Variants in WIPI2 observed in about 807,000 individuals in gnomAD.
WIPI2 encodes the protein WD repeat domain phosphoinositide-interacting protein 2.
Under a neutral mutation model 52.3 loss-of-function variants are expected in WIPI2, and 28 were observed. The ratio of observed to expected loss-of-function variants is 0.54; its 90% CI spans 0.40 to 0.73. The LOEUF (loss-of-function observed/expected upper bound fraction) is 0.73, where lower values mean the gene tolerates loss of function less well. Among genes scored for constraint, WIPI2 ranks in the 30% least tolerant of loss-of-function variants. The pLI is 0.00. For missense variants in WIPI2, 506 were observed against 602.9 expected (o/e 0.84, Z 1.68); for synonymous variants, 268 against 245.0 (o/e 1.09, Z -0.88).
chr7:5,201,012 C>T (rs1338191026), intron 3 of WIPI2, among the ~76,000 whole-genome samples: 7 of 152,218 alleles, frequency 4.6e-5, no homozygotes, highest in Admixed American at 4.6e-4. Flanking sequence ...CTTTCTTCTG[C>T]CACGGAGGCT....
chr7:5,213,991 G>A (rs1782688727), intron 3 of WIPI2, among the ~76,000 whole-genome samples: 2 of 152,192 alleles, frequency 1.3e-5, no homozygotes, highest in Non-Finnish European at 2.9e-5. Context: ...GGCCCCTTCA[G>A]GGCATTTCTT....
intron 3 of WIPI2, among the ~76,000 whole-genome samples, chr7:5,204,742 G>T (rs1782209464): frequency 6.6e-6 from 1 of 151,958 alleles, no homozygotes; most frequent in South Asian, 2.1e-4. Flanking sequence ...CTCATGCAGT[G>T]GTGCCAGCAC....
Position 5,230,792 on chromosome 7 carries a change from G to C in WIPI2, c.1253-43G>C. ...CAGTGTGTGTCATGGGGTCTGTGGT[G>C]TGTCCCCAGCCTTTGAAGGGTGACT... On this transcript the variant is annotated intron_variant, in intron 12 of 12. Coordinates refer to ENST00000288828, the MANE Select transcript of WIPI2 (RefSeq NM_015610.4). The surrounding 1 kb of genome is among the most constrained non-coding windows in gnomAD (Gnocchi z 4.8). 6.6e-7 allele frequency: 1 copy of C among 1,518,320 alleles called. No homozygotes were observed. The highest frequency in any genetic ancestry group is 9.1e-7 in the Non-Finnish European group (1 of 1,102,536). The allele number at this position is 1,518,320 out of a possible 1,614,324, so 94.1% of individuals were successfully genotyped here. A position where few individuals can be genotyped will look rare whatever the true frequency, so the allele number is the denominator to read the frequency against.
intron 2 of WIPI2, among the ~76,000 whole-genome samples, chr7:5,197,118 CAAAAA>C (rs869261081): frequency 1.7e-4 from 7 of 41,452 alleles, no homozygotes; most frequent in Admixed American, 7.2e-4. Context: ...TCTCAAAAAA[CAAAAA>C]AAAAAAAAAA....
chr7:5,191,499 C>T (rs1490176390), intron 1 of WIPI2, among the ~76,000 whole-genome samples: 1 of 152,142 alleles, frequency 6.6e-6, no homozygotes, highest in Non-Finnish European at 1.5e-5. Flanking sequence ...CAAGAGAAGG[C>T]CTTAATGCCA....
chr7:5,204,797 C>A (rs937689892), intron 3 of WIPI2, among the ~76,000 whole-genome samples: 5 of 152,154 alleles, frequency 3.3e-5, no homozygotes, highest in Non-Finnish European at 7.3e-5. Context: ...GATCCTCCCC[C>A]TTCTTGCATA....
At position 5,227,647 on chromosome 7, in the gene WIPI2, G is replaced by A. The variant is rs527248782; in HGVS notation, c.1013+303G>A. Among the ~76,000 whole-genome samples, 3 of 152,302 alleles carry A rather than the reference G, an allele frequency of 2.0e-5. No homozygotes were observed. The highest frequency in any genetic ancestry group is 6.5e-5 in the Admixed American group (1 of 15,306). On this transcript the variant is annotated intron_variant, in intron 10 of 12. Coordinates refer to ENST00000288828, the MANE Select transcript of WIPI2 (RefSeq NM_015610.4). The surrounding 1 kb of genome is among the most constrained non-coding windows in gnomAD (Gnocchi z 8.1). The stretch of plus-strand genomic sequence containing the variant: ...TTAACCCTTTGGGGCCACAGAAACC[G>A]CACTTGCCGAGTCTCAGGCATCCGT...
intron 11 of WIPI2, 158 bp from the exon 12 acceptor site, chr7:5,229,450 C>T: frequency 1.4e-6 from 1 of 735,656 alleles, no homozygotes; most frequent in Non-Finnish European, 2.1e-6. Context: ...AAAACGTGTG[C>T]AGATAGACGA....
At chr7:5,194,640 T>G (rs1418721341) in intron 2 of WIPI2, among the ~76,000 whole-genome samples, 1 of 152,232 alleles carries the variant, frequency 6.6e-6, no homozygotes, top group African/African-American at 2.4e-5. Context: ...TAAACATTTC[T>G]TAATTTTTTA....
At chr7:5,217,664 G>T (rs1277553489) in intron 6 of WIPI2, 2 of 494,308 alleles carry the variant, frequency 4.0e-6, no homozygotes, top group Non-Finnish European at 3.7e-6. Flanking sequence ...GCGGCGTTCA[G>T]AGCAGTGCTG....
At chr7:5,199,918 A>G (rs554145720) in intron 3 of WIPI2, among the ~76,000 whole-genome samples, 2 of 152,316 alleles carry the variant, frequency 1.3e-5, no homozygotes, top group Admixed American at 6.5e-5. Context: ...ATGAGCACAT[A>G]CCATGTGTAC....
intron 2 of WIPI2, among the ~76,000 whole-genome samples, chr7:5,199,101 G>A (rs1440456109): frequency 6.6e-6 from 1 of 152,164 alleles, no homozygotes; most frequent in Non-Finnish European, 1.5e-5. Context: ...TTAGCTCACT[G>A]CAGCCTCAAC....
chr7:5,224,884 C>T (rs1783349486), intron 8 of WIPI2, among the ~76,000 whole-genome samples: 3 of 152,178 alleles, frequency 2.0e-5, no homozygotes, highest in African/African-American at 4.8e-5. Context: ...CATAATTTTG[C>T]AAAGGCGGTT....
chr7:5,203,815 G>C (rs984218638), intron 3 of WIPI2, among the ~76,000 whole-genome samples: 2 of 151,800 alleles, frequency 1.3e-5, no homozygotes, highest in African/African-American at 4.8e-5. Flanking sequence ...AGTAGAGACA[G>C]GGTTTCACCG....
In WIPI2 at chr7:5,230,739, T is replaced by G; in HGVS notation, c.1253-96T>G. 1.3e-6 allele frequency: 1 copy of G among 796,534 alleles called. No individual in the cohort carries two copies. Among genetic ancestry groups the G allele is most frequent in the Non-Finnish European group, 1.9e-6 (1 of 514,534 alleles). The allele number at this position is 796,534 out of a possible 1,614,324, so 49.3% of individuals were successfully genotyped here. A position where few individuals can be genotyped will look rare whatever the true frequency, so the allele number is the denominator to read the frequency against. ...TAGTACAGGCTTCAGTTTATAAATA[T>G]ACACCAGTGTTTCCAAAACACAGTC... On this transcript the variant is annotated intron_variant, in intron 12 of 12. Coordinates refer to ENST00000288828, the MANE Select transcript of WIPI2 (RefSeq NM_015610.4). This position sits in a 1 kb window ranked among gnomAD's most constrained non-coding sequence, Gnocchi z 4.8.
chr7:5,193,460 G>T (rs1781575639), intron 2 of WIPI2: 1 of 677,158 alleles, frequency 1.5e-6, no homozygotes, highest in Non-Finnish European at 2.1e-6. Flanking sequence ...GAAGTGTGTG[G>T]AGACAACAGG....
At chr7:5,222,101 C>G (rs1783170623) in intron 7 of WIPI2, among the ~76,000 whole-genome samples, 1 of 152,128 alleles carries the variant, frequency 6.6e-6, no homozygotes. Context: ...AGGCATGCGC[C>G]ACCACACCCA....
At chr7:5,207,359 G>T (rs1562392066) in intron 3 of WIPI2, among the ~76,000 whole-genome samples, 1 of 152,062 alleles carries the variant, frequency 6.6e-6, no homozygotes, top group Non-Finnish European at 1.5e-5. Context: ...CAGTGTTCTG[G>T]TTTTTTTCTA....
At chr7:5,211,032 A>G (rs1279429118) in intron 3 of WIPI2, among the ~76,000 whole-genome samples, 1 of 152,226 alleles carries the variant, frequency 6.6e-6, no homozygotes. Context: ...CAGTGAAATC[A>G]ACAACAAGCA....
Sources: allele counts gnomAD v4.1 joint callset (sites outside exome capture counted in the v4.1 genomes callset), GRCh38; gene constraint gnomAD v4.1.1; non-coding constraint Gnocchi (gnomAD v3.1); transcripts MANE v1.5; gene names NCBI Gene and HGNC (gene_info 2026-07-23, HGNC 2026-07-21).